The following TLN2 variants were observed in gnomAD, a reference collection of about 807,000 sequenced individuals.
TLN2 encodes the protein talin 2.
TLN2 carries 118 observed loss-of-function variants against 294.7 expected under a neutral mutation model. That is an observed-to-expected ratio of 0.40 (90% CI 0.34 to 0.47). The LOEUF (loss-of-function observed/expected upper bound fraction) is 0.47, where lower values mean the gene tolerates loss of function less well. TLN2 is among the 20% of genes least tolerant of loss of function. The pLI, the probability that TLN2 is intolerant of heterozygous loss-of-function variation, is 0.84. For synonymous variants in TLN2, 1,431 were observed against 1,304.5 expected, an observed-to-expected ratio of 1.10 and a Z score of -2.09; for missense variants, 3,083 against 3,282.2, an observed-to-expected ratio of 0.94 and a Z score of 1.48.
intron 27 of TLN2, among the ~76,000 whole-genome samples, chr15:62,725,696 G>T (rs768314858): frequency 6.6e-6 from 1 of 152,092 alleles, no homozygotes; most frequent in Non-Finnish European, 1.5e-5. Flanking sequence ...GTAGTTTATC[G>T]TGATAGTAAC....
At chr15:62,551,392 C>A (rs917536239) in intron 1 of TLN2, among the ~76,000 whole-genome samples, 2 of 152,098 alleles carry the variant, frequency 1.3e-5, no homozygotes, top group Admixed American at 1.3e-4. Context: ...AGAGTTCAGG[C>A]AGGGCGTGGT....
rs938143047 is a variant in TLN2, at chr15:62,752,495, C to T, written c.4332+68C>T. On this transcript the variant is annotated intron_variant, in intron 35 of 58. Transcript: ENST00000636159. ...TCCCTGTGGGAGGTGTGGGGGAACT[C>T]CAGCTGCACCTCTTTCTCCAAGTAC... 5.7e-6 allele frequency: 9 copies of T among 1,568,644 alleles called. No individual in the cohort carries two copies. The African/African-American group carries it at 1.2e-4, about 21-fold the overall frequency.
At chr15:62,784,179 C>G in intron 45 of TLN2, 1 of 424,422 alleles carries the variant, frequency 2.4e-6, no homozygotes, top group Non-Finnish European at 4.1e-6. Flanking sequence ...AGCCCTGTCA[C>G]CTGTCTCTTT....
intron 20 of TLN2, 115 bp from the exon 21 acceptor site, chr15:62,708,387 G>A: frequency 1.9e-6 from 2 of 1,071,914 alleles, no homozygotes; most frequent in Non-Finnish European, 2.8e-6. Context: ...CAGTGGTCCT[G>A]TAAGTAAGAA....
chr15:62,792,859 C>T lies in TLN2; in HGVS notation c.5883+72C>T, dbSNP rs1479373735. 5.1e-6 allele frequency: 8 copies of T among 1,576,696 alleles called. No homozygotes were observed. In the African/African-American group the frequency reaches 6.8e-5, roughly 13 times the overall value. On this transcript the variant is annotated intron_variant, in intron 46 of 58. Coordinates refer to ENST00000636159, the MANE Select transcript of TLN2 (RefSeq NM_015059.3). ...CTCAGTGATCCGCTGTAATCAAGGA[C>T]AAAAGCAGGAAACTCAGCCAAAACT...
intron 12 of TLN2, among the ~76,000 whole-genome samples, chr15:62,689,846 CTTTTTTTTTTTTTTTTTTTTTTTT>C (rs1158144919): frequency 3.2e-4 from 5 of 15,414 alleles, no homozygotes; most frequent in Non-Finnish European, 7.7e-4. Context: ...GTATGGGCTT[CTTTTTTTTTTTTTTTTTTTTTTTT>C]TTTTTTTATT....
chr15:62,817,984 A>G (rs979161545), intron 52 of TLN2, among the ~76,000 whole-genome samples: 2 of 151,666 alleles, frequency 1.3e-5, no homozygotes, highest in Admixed American at 6.6e-5. Flanking sequence ...TAATTTTTAT[A>G]TTTTTAATAG....
Position 62,481,651 on chromosome 15 carries a change from A to G in TLN2, c.-238+90966A>G, listed in dbSNP as rs1481727443. Among the ~76,000 whole-genome samples, 3 of 152,116 alleles carry G rather than the reference A, an allele frequency of 2.0e-5. No homozygotes were observed. The East Asian group carries it at 5.8e-4, about 29-fold the overall frequency. On this transcript the variant is annotated intron_variant, in intron 1 of 58. Coordinates refer to ENST00000636159, the MANE Select transcript of TLN2 (RefSeq NM_015059.3). ...GCTGGGATTACAGGCGTGAGCCTCT[A>G]CACCCAGCCAAGAAAGTGCTTTTTT...
chr15:62,756,009 C>T (rs760866953), intron 37 of TLN2, among the ~76,000 whole-genome samples: 12 of 152,154 alleles, frequency 7.9e-5, no homozygotes, highest in Non-Finnish European at 1.5e-4. Flanking sequence ...ACTGTGCTTG[C>T]GTAGCAAATA....
intron 11 of TLN2, among the ~76,000 whole-genome samples, chr15:62,677,367 ACAGT>A (rs1567327872): frequency 1.3e-5 from 2 of 152,258 alleles, no homozygotes; most frequent in African/African-American, 4.8e-5. Context: ...CAGGCTTCAC[ACAGT>A]CAGTTTCAGT....
At chr15:62,452,492 G>T (rs1595838198) in intron 1 of TLN2, among the ~76,000 whole-genome samples, 1 of 152,302 alleles carries the variant, frequency 6.6e-6, no homozygotes, top group African/African-American at 2.4e-5. Context: ...ATTTGTAAGT[G>T]TATAGTTGAG....
intron 13 of TLN2, 131 bp from the exon 14 acceptor site, chr15:62,694,185 C>T (rs1595688483): frequency 4.6e-6 from 3 of 649,500 alleles, no homozygotes; most frequent in East Asian, 5.7e-5. Context: ...CTGTGTTGAC[C>T]AGGTTTGTCT....
intron 27 of TLN2, among the ~76,000 whole-genome samples, 160 bp from the exon 28 acceptor site, chr15:62,726,927 C>T (rs952518717): frequency 2.6e-5 from 4 of 152,180 alleles, no homozygotes; most frequent in African/African-American, 4.8e-5. Flanking sequence ...TTCTAAAGCT[C>T]GGGCTCCTTC....
At chr15:62,600,426 G>T (rs1258544543) in intron 2 of TLN2, among the ~76,000 whole-genome samples, 1 of 152,176 alleles carries the variant, frequency 6.6e-6, no homozygotes, top group African/African-American at 2.4e-5. Flanking sequence ...CCAGCAAGTG[G>T]ACTTTTCCTG....
chr15:62,616,485 G>T (rs976461981), intron 2 of TLN2, among the ~76,000 whole-genome samples: 2 of 152,156 alleles, frequency 1.3e-5, no homozygotes, highest in African/African-American at 4.8e-5. Context: ...CAGGAATGTG[G>T]TGGTGTGATC....
intron 1 of TLN2, among the ~76,000 whole-genome samples, chr15:62,536,906 G>A (rs985280893): frequency 6.6e-6 from 1 of 152,144 alleles, no homozygotes; most frequent in African/African-American, 2.4e-5. Context: ...TCATTTCTTT[G>A]TGTTGGGAAC....
Position 62,840,666 on chromosome 15 carries a change from C to CA in TLN2, c.*57dup, listed in dbSNP as rs1325944909. 3.2e-6 allele frequency: 5 copies of CA among 1,580,704 alleles called. No individual in the cohort carries two copies. In the Admixed American group the frequency reaches 5.5e-5, roughly 17 times the overall value. On this transcript the variant is annotated 3_prime_UTR_variant, in exon 59 of 59. Transcript: ENST00000636159. ...GATGGCCCTGGCTGAACTGGACAGACAGTGTTCCTGAGAGGCTGGGCACTT... is the reference window on the plus strand; with the variant it reads ...GATGGCCCTGGCTGAACTGGACAGACAAGTGTTCCTGAGAGGCTGGGCACTT...
intron 1 of TLN2, among the ~76,000 whole-genome samples, chr15:62,564,732 C>T (rs1234478959): frequency 6.6e-6 from 1 of 151,742 alleles, no homozygotes; most frequent in African/African-American, 2.4e-5. Flanking sequence ...CATGGCAAAA[C>T]CCCGTCTTTA....
chr15:62,605,514 TTCCAG>T (rs2047358065), intron 2 of TLN2, among the ~76,000 whole-genome samples: 1 of 152,168 alleles, frequency 6.6e-6, no homozygotes. Flanking sequence ...TGGGCTGAGC[TTCCAG>T]TCTACTCCCT....
Sources: gnomAD v4.1 joint callset for allele counts (sites outside exome capture counted in the v4.1 genomes callset) on GRCh38, gnomAD v4.1.1 for gene constraint, MANE v1.5 for transcripts, NCBI Gene and HGNC (gene_info 2026-07-23, HGNC 2026-07-21) for gene names.